CACNA1H: variants seen among roughly 807,000 people sequenced by gnomAD.
CACNA1H encodes calcium voltage-gated channel subunit alpha1 H.
A neutral mutation model predicts 192.5 loss-of-function variants in CACNA1H; 149 were observed. The observed-to-expected ratio is 0.77, with a 90% confidence interval of 0.68 to 0.89. The LOEUF (loss-of-function observed/expected upper bound fraction) is 0.89. Ranked by LOEUF, CACNA1H falls within the 40% of genes least tolerant of loss-of-function variation. CACNA1H has a pLI of 0.00. For synonymous variants in CACNA1H, 2,202 were observed against 1,475.2 expected (o/e 1.49, Z -11.29); for missense variants, 4,257 against 3,423.5 (o/e 1.24, Z -6.08).
intron 2 of CACNA1H, among the ~76,000 whole-genome samples, chr16:1,192,300 T>A (rs57734057): frequency 6.6e-6 from 1 of 152,010 alleles, no homozygotes; most frequent in Admixed American, 6.5e-5. Flanking sequence ...GGACCCCTAG[T>A]CAGCTGTCTT....
intron 2 of CACNA1H, chr16:1,160,146 T>C (rs1962997505): frequency 6.6e-6 from 1 of 152,234 alleles, no homozygotes; most frequent in Non-Finnish European, 1.5e-5. Flanking sequence ...TTTATGCAGA[T>C]GTCGGCCAGG....
intron 2 of CACNA1H, among the ~76,000 whole-genome samples, chr16:1,166,156 C>T (rs1963750037): frequency 6.6e-6 from 1 of 152,172 alleles, no homozygotes; most frequent in Admixed American, 6.5e-5. Flanking sequence ...GGCAGGCAGG[C>T]CTGAGAGGAC....
chr16:1,209,138 G>C lies in CACNA1H; in HGVS notation c.3470G>C (p.Arg1157Pro). Reference protein sequence around the residue: ...SLGRAPSLKRRGQCGERESLL... With the variant: ...SLGRAPSLKRPGQCGERESLL... Reference sequence around the variant, plus strand: ...GGCCGTGCCCCCAGCCTCAAGCGCCGCGGCCAGTGTGGGGAACGTGAGTCC... The same window carrying C: ...GGCCGTGCCCCCAGCCTCAAGCGCCCCGGCCAGTGTGGGGAACGTGAGTCC... Residue 1157 changes from arginine (R) to proline (P), a missense_variant, in exon 17 of 35, where the codon CGC (arginine) becomes CCC (proline). Coordinates refer to ENST00000348261, the MANE Select transcript of CACNA1H (RefSeq NM_021098.3). The C allele has an allele frequency of 1.3e-6, 2 of 1,553,420 alleles. No homozygotes were observed. Among genetic ancestry groups the C allele is most frequent in the Non-Finnish European group, 1.7e-6 (2 of 1,149,740 alleles).
chr16:1,179,484 G>T (rs542470532), intron 2 of CACNA1H, among the ~76,000 whole-genome samples: 1 of 152,142 alleles, frequency 6.6e-6, no homozygotes, highest in Non-Finnish European at 1.5e-5. Flanking sequence ...CGTTGTTGTT[G>T]CTGGTGTGAT....
chr16:1,199,889 G>C (rs1217017805), intron 6 of CACNA1H, among the ~76,000 whole-genome samples: 2 of 152,046 alleles, frequency 1.3e-5, no homozygotes, highest in African/African-American at 2.4e-5. Context: ...GCTGAGGTCT[G>C]AGCCTGGGTT....
In CACNA1H at chr16:1,200,780, A is replaced by T; in HGVS notation, c.1184A>T (p.Asn395Ile). ...GTCATGGACGCCCACTCATTCTACA[A>T]CTTCATCTATTTCATCCTGCTCATC... ...YYVMDAHSFY[N>I]FIYFILLIIV... The change falls in exon 8 of 35, where the codon AAC becomes ATC. Residue 395 changes from asparagine to isoleucine, a missense_variant. Physicochemically the swap from Asn to Ile is moderately radical, Grantham distance 149. Coordinates refer to ENST00000348261, the MANE Select transcript of CACNA1H (RefSeq NM_021098.3). 1 of 1,553,332 alleles carries T rather than the reference A, an allele frequency of 6.4e-7. No individual in the cohort carries two copies. The highest frequency in any genetic ancestry group is 8.7e-7 in the Non-Finnish European group (1 of 1,148,232).
Position 1,204,286 on chromosome 16 carries a change from A to C in CACNA1H, c.2279A>C (p.Gln760Pro), listed in dbSNP as rs764592377. The C allele has an allele frequency of 7.5e-6, 12 of 1,602,480 alleles. No individual in the cohort carries two copies. The highest frequency in any genetic ancestry group is 1.0e-5 in the Non-Finnish European group (12 of 1,174,332). ...CCAGGCCCAGGCCCAGGCAGCCCCC[A>C]GCGGCGGGCACAGCAGAGGGCAGCC... ...DTPGPGPGSP[Q>P]RRAQQRAAPG... is the part of the protein sequence containing the mutation. Residue 760 changes from glutamine to proline, a missense_variant, in exon 10 of 35, where the codon CAG becomes CCG. Gln to Pro is a moderately conservative substitution (Grantham distance 76). Coordinates refer to ENST00000348261, the MANE Select transcript of CACNA1H (RefSeq NM_021098.3).
chr16:1,215,533 G>A lies in CACNA1H; in HGVS notation c.5184G>A (p.Leu1728=). Residue 1728 remains leucine, a synonymous_variant, in exon 30 of 35, where the codon CTG becomes CTA. Coordinates refer to ENST00000348261, the MANE Select transcript of CACNA1H (RefSeq NM_021098.3). ...RVLRIARVLK[L]LKMATGMRAL... ...AGCTCCCGGCCCTAGTGCTGAAGCT[G>A]CTGAAGATGGCTACGGGCATGCGCG... The A allele has an allele frequency of 6.2e-7, 1 of 1,611,706 alleles. No individual in the cohort carries two copies. Among genetic ancestry groups the A allele is most frequent in the African/African-American group, 1.3e-5 (1 of 75,022 alleles).
Position 1,205,346 on chromosome 16 carries a change from C to G in CACNA1H, c.2603+81C>G, listed in dbSNP as rs1206279565. The G allele has an allele frequency of 4.2e-6, 6 of 1,413,752 alleles. No individual in the cohort carries two copies. The African/African-American group carries it at 8.5e-5, about 20-fold the overall frequency. 87.6% of individuals were successfully genotyped at this position (1,413,752 alleles called of 1,614,324 possible). A position where few individuals can be genotyped will look rare whatever the true frequency, so the allele number is the denominator to read the frequency against. On this transcript the variant is annotated intron_variant, in intron 11 of 34. Coordinates refer to ENST00000348261, the MANE Select transcript of CACNA1H (RefSeq NM_021098.3). ...AGAAATCCCACCTGCAGAGCAAAACCCAGAGCACAGGAGGAAGTACGACGA... is the reference window on the plus strand; with the variant it reads ...AGAAATCCCACCTGCAGAGCAAAACGCAGAGCACAGGAGGAAGTACGACGA...
At position 1,212,030 on chromosome 16, in the gene CACNA1H, G is replaced by A. The variant is rs369045626; in HGVS notation, c.4651G>A (p.Val1551Met). 2.1e-5 allele frequency: 34 copies of A among 1,613,302 alleles called. No homozygotes were observed. The highest frequency in any genetic ancestry group is 5.9e-6 in the Non-Finnish European group (7 of 1,179,712). ...CAGCTTCTTCGTGCTCAACATGTTC[G>A]TGGGCGTCGTGGTCGAGAACTTCCA... is the stretch of plus-strand genomic sequence containing the variant. Reference protein sequence around the residue: ...IVSFFVLNMFVGVVVENFHKC... With the variant: ...IVSFFVLNMFMGVVVENFHKC... The change falls in exon 25 of 35, where the codon GTG (valine) becomes ATG (methionine). Residue 1551 changes from valine to methionine, a missense_variant. By Grantham distance (21) the Val-to-Met change is conservative. Transcript: ENST00000348261.
In CACNA1H at chr16:1,203,929, C is replaced by T. The variant is rs1055641492; in HGVS notation, c.2003-81C>T. On this transcript the variant is annotated intron_variant, in intron 9 of 34. Coordinates refer to ENST00000348261, the MANE Select transcript of CACNA1H (RefSeq NM_021098.3). The stretch of plus-strand genomic sequence containing the variant: ...TCTGGGGGGGACACATTCACCCCAC[C>T]GCTCCTGTGTGTGAGGGTTCCCGGG... The T allele has an allele frequency of 3.4e-5, 35 of 1,032,548 alleles. 1 individual carries two copies. The South Asian group carries it at 4.3e-4, about 13-fold the overall frequency. The allele number at this position is 1,032,548 out of a possible 1,614,324, so 64.0% of individuals were successfully genotyped here.
rs1335427652 is a variant in CACNA1H, at chr16:1,221,754, A to C, written c.*760A>C. The stretch of plus-strand genomic sequence containing the variant: ...GAGGGGGCGGAGCGGAATAAATAGT[A>C]ACTTATTTAAGAAATGCACTTGGAT... On this transcript the variant is annotated 3_prime_UTR_variant, in exon 35 of 35. Coordinates refer to ENST00000348261, the MANE Select transcript of CACNA1H (RefSeq NM_021098.3). The C allele has an allele frequency of 1.9e-6, 3 of 1,558,998 alleles. No individual in the cohort carries two copies. The highest frequency in any genetic ancestry group is 4.5e-5 in the East Asian group (2 of 43,996).
chr16:1,204,539 C>T, intron 10 of CACNA1H, 81 bp downstream of exon 10: 1 of 1,143,580 alleles, frequency 8.7e-7, no homozygotes, highest in African/African-American at 1.6e-5. Flanking sequence ...TCCAGCAGCC[C>T]CGATGCCTGA....
Position 1,221,718 on chromosome 16 carries a change from CAAGGGA to C in CACNA1H, c.*725_*730del. 1 of 1,415,184 alleles carries C rather than the reference CAAGGGA, an allele frequency of 7.1e-7. No individual in the cohort carries two copies. Among genetic ancestry groups the C allele is most frequent in the Non-Finnish European group, 9.5e-7 (1 of 1,054,074 alleles). 87.7% of individuals were successfully genotyped at this position (1,415,184 alleles called of 1,614,324 possible). A position where few individuals can be genotyped will look rare whatever the true frequency, so the allele number is the denominator to read the frequency against. On this transcript the variant is annotated 3_prime_UTR_variant, in exon 35 of 35. Coordinates refer to ENST00000348261, the MANE Select transcript of CACNA1H (RefSeq NM_021098.3). ...ATCTGATGCAGAAGACTCAGCTTCT[CAAGGGA>C]GAGGGAGGGGGCGGAGCGGAATAAA...
At chr16:1,158,519 C>A (rs948893860) in intron 2 of CACNA1H, among the ~76,000 whole-genome samples, 1 of 152,204 alleles carries the variant, frequency 6.6e-6, no homozygotes, top group South Asian at 2.1e-4. Flanking sequence ...CAGGGCCGCA[C>A]GCCCCGTGGG....
rs201676168 is a variant in CACNA1H at position 1,207,310 on chromosome 16, C to T, written c.2943C>T (p.Tyr981=). ...LTQEDWNVVL[Y]NGMASTSSWA... ...AGGAGGACTGGAACGTGGTCCTGTA[C>T]AACGGCATGGCCTCCACCTCCTCCT... Residue 981 remains tyrosine (Y), a synonymous_variant, in exon 14 of 35, where the codon TAC becomes TAT. Coordinates refer to ENST00000348261, the MANE Select transcript of CACNA1H (RefSeq NM_021098.3). 1 of 1,610,754 alleles carries T rather than the reference C, an allele frequency of 6.2e-7. No individual in the cohort carries two copies. The highest frequency in any genetic ancestry group is 2.2e-5 in the East Asian group (1 of 44,752).
At chr16:1,214,338 G>T (rs1189334773) in intron 27 of CACNA1H, among the ~76,000 whole-genome samples, 1 of 152,244 alleles carries the variant, frequency 6.6e-6, no homozygotes, top group African/African-American at 2.4e-5. Context: ...TTAGAAGAAG[G>T]AGGTAGCCTC....
intron 5 of CACNA1H, among the ~76,000 whole-genome samples, chr16:1,196,910 G>C (rs1056503260): frequency 2.0e-5 from 3 of 152,190 alleles, no homozygotes; most frequent in African/African-American, 7.2e-5. Flanking sequence ...TACCAGGCGC[G>C]AGTGCATACT....
intron 10 of CACNA1H, 87 bp downstream of exon 10, chr16:1,204,545 C>T: frequency 9.4e-7 from 1 of 1,067,388 alleles, no homozygotes; most frequent in East Asian, 2.5e-5. Flanking sequence ...AGCCCCGATG[C>T]CTGACCTGAT....
Sources: allele counts gnomAD v4.1 joint callset (sites outside exome capture counted in the v4.1 genomes callset), GRCh38; gene constraint gnomAD v4.1.1; transcripts MANE v1.5; gene names NCBI Gene and HGNC (gene_info 2026-07-23, HGNC 2026-07-21).